Variants in ARHGAP40 observed in about 807,000 individuals in gnomAD.
The protein encoded by ARHGAP40 is rho GTPase-activating protein 40.
ARHGAP40 carries 43 observed loss-of-function variants against 73.5 expected under a neutral mutation model. The ratio of observed to expected loss-of-function variants is 0.58; its 90% confidence interval spans 0.46 to 0.75. The LOEUF (loss-of-function observed/expected upper bound fraction) is 0.75. Among genes scored for constraint, ARHGAP40 ranks in the 30% least tolerant of loss-of-function variants. ARHGAP40 has a pLI of 0.00. For missense variants in ARHGAP40, 734 were observed against 861.8 expected, an observed-to-expected ratio of 0.85 and a Z score of 1.86; for synonymous variants, 300 against 352.8, an observed-to-expected ratio of 0.85 and a Z score of 1.68.
chr20:38,615,476 TG>T, intron 1 of ARHGAP40: 1 of 683,110 alleles, frequency 1.5e-6, no homozygotes, highest in Non-Finnish European at 2.7e-6. Flanking sequence ...GCCACGTCCA[TG>T]GCGGCGCGAG....
intron 1 of ARHGAP40, among the ~76,000 whole-genome samples, chr20:38,612,926 T>G (rs1601134304): frequency 1.3e-5 from 2 of 152,156 alleles, no homozygotes; most frequent in African/African-American, 4.8e-5. Context: ...CCTACACAAC[T>G]TAAGGACTTT....
At chr20:38,609,581 G>A (rs1312840700) in intron 1 of ARHGAP40, among the ~76,000 whole-genome samples, 3 of 152,230 alleles carry the variant, frequency 2.0e-5, no homozygotes, top group Non-Finnish European at 4.4e-5. Flanking sequence ...ACCATGGAGG[G>A]CGGTAAGTGC....
intron 1 of ARHGAP40, among the ~76,000 whole-genome samples, chr20:38,608,383 T>C (rs2088784738): frequency 6.6e-6 from 1 of 152,224 alleles, no homozygotes; most frequent in South Asian, 2.1e-4. Context: ...TTTTGTTCTC[T>C]AGTTACTACT....
chr20:38,649,016 C>T (rs1051770126), intron 14 of ARHGAP40, among the ~76,000 whole-genome samples: 2 of 152,216 alleles, frequency 1.3e-5, no homozygotes. Flanking sequence ...GACACCCTAG[C>T]TGGGATGGAC....
intron 1 of ARHGAP40, among the ~76,000 whole-genome samples, chr20:38,614,384 T>A (rs775662259): frequency 4.6e-5 from 7 of 152,174 alleles, no homozygotes; most frequent in Non-Finnish European, 7.3e-5. Context: ...GTTGGGTCCA[T>A]TTTTATTGTG....
At chr20:38,603,951 T>C (rs2145590341) in intron 1 of ARHGAP40, among the ~76,000 whole-genome samples, 1 of 152,230 alleles carries the variant, frequency 6.6e-6, no homozygotes, top group East Asian at 1.9e-4. Flanking sequence ...GTGATGACAT[T>C]GGGCCCACTG....
chr20:38,649,788 C>A, exon 15 of ARHGAP40: 1 of 1,305,262 alleles, frequency 7.7e-7, no homozygotes, highest in Middle Eastern at 2.1e-4. Context: ...ATGCCTACCT[C>A]TTAGATCTGT....
chr20:38,615,060 C>T lies in ARHGAP40; in HGVS notation c.138-8299C>T, dbSNP rs2088826946. On this transcript the variant is annotated intron_variant, in intron 1 of 14. Coordinates refer to ENST00000373345, the Ensembl canonical transcript of ARHGAP40. Reference sequence around the variant, plus strand: ...CGGCTTGGCATGTGCCTCCTGTTGCCTCACAAAGCTGTCAGCAGACACTCG... The same window carrying T: ...CGGCTTGGCATGTGCCTCCTGTTGCTTCACAAAGCTGTCAGCAGACACTCG... 3.2e-6 allele frequency: 3 copies of T among 938,900 alleles called. No homozygotes were observed. In the African/African-American group the frequency reaches 4.8e-5, roughly 15 times the overall value. The allele number at this position is 938,900 out of a possible 1,614,324, so 58.2% of individuals were successfully genotyped here.
At chr20:38,630,763 C>G (rs2088933277) in intron 5 of ARHGAP40, among the ~76,000 whole-genome samples, 1 of 152,174 alleles carries the variant, frequency 6.6e-6, no homozygotes, top group Admixed American at 6.5e-5. Flanking sequence ...CCTACCCCAC[C>G]ACCCCCTCAG....
intron 1 of ARHGAP40, among the ~76,000 whole-genome samples, chr20:38,620,706 T>C (rs1379693337): frequency 3.9e-5 from 6 of 152,208 alleles, no homozygotes; most frequent in Non-Finnish European, 8.8e-5. Context: ...TGGTCTCCAG[T>C]GAAGCTTCTG....
intron 1 of ARHGAP40, among the ~76,000 whole-genome samples, chr20:38,610,578 C>T (rs987249649): frequency 6.6e-6 from 1 of 152,182 alleles, no homozygotes; most frequent in Non-Finnish European, 1.5e-5. Flanking sequence ...TAACTCAAAG[C>T]ATAGAAGCTG....
At chr20:38,605,532 T>C (rs2088766425) in intron 1 of ARHGAP40, among the ~76,000 whole-genome samples, 1 of 152,226 alleles carries the variant, frequency 6.6e-6, no homozygotes, top group African/African-American at 2.4e-5. Context: ...AAGACCCAGT[T>C]GGAGTGAGGT....
intron 6 of ARHGAP40, among the ~76,000 whole-genome samples, chr20:38,636,207 T>G (rs190045198): frequency 6.6e-6 from 1 of 152,192 alleles, no homozygotes; most frequent in East Asian, 1.9e-4. Context: ...TTTAGAACAA[T>G]AGTGACATTT....
At chr20:38,615,102 G>C (rs970222453) in intron 1 of ARHGAP40, 1 of 942,884 alleles carries the variant, frequency 1.1e-6, no homozygotes, top group Non-Finnish European at 1.8e-6. Flanking sequence ...GGCTATACGA[G>C]TGTCCCATAT....
rs1026197713 is a variant in ARHGAP40, at chr20:38,629,764, C to A, written c.783+114C>A. 10 of 1,106,478 alleles carry A rather than the reference C, an allele frequency of 9.0e-6. No homozygotes were observed. The African/African-American group carries it at 1.3e-4, about 15-fold the overall frequency. 68.5% of individuals were successfully genotyped at this position (1,106,478 alleles called of 1,614,324 possible). A position where few individuals can be genotyped will look rare whatever the true frequency, so the allele number is the denominator to read the frequency against. ...GCATCCAGCACAAAAGTTGTTAATT[C>A]ATTCATTCATTTAATTCGTACCACA... is the stretch of plus-strand genomic sequence containing the variant. On this transcript the variant is annotated intron_variant, in intron 5 of 14. Coordinates refer to ENST00000373345, the Ensembl canonical transcript of ARHGAP40.
intron 13 of ARHGAP40, among the ~76,000 whole-genome samples, chr20:38,647,557 A>AT (rs139280351): frequency 0.17 from 25,691 of 151,894 alleles, 2,706 homozygotes; most frequent in Non-Finnish European, 0.24. Flanking sequence ...TGCCTGGATA[A>AT]TTTTTTTGTA....
chr20:38,613,859 T>C (rs1316286874), intron 1 of ARHGAP40, among the ~76,000 whole-genome samples: 2 of 152,204 alleles, frequency 1.3e-5, no homozygotes, highest in Non-Finnish European at 2.9e-5. Flanking sequence ...AGAAATGCTG[T>C]GTGAAAGAGA....
chr20:38,638,228 C>T (rs552973801), intron 7 of ARHGAP40, among the ~76,000 whole-genome samples: 5 of 151,666 alleles, frequency 3.3e-5, no homozygotes, highest in East Asian at 1.9e-4. Context: ...GGCAGGAGAA[C>T]GGTGTGAACC....
exon 11 of ARHGAP40, chr20:38,643,870 T>C (rs905599351): frequency 1.5e-6 from 2 of 1,304,984 alleles, no homozygotes; most frequent in Non-Finnish European, 2.0e-6. Context: ...GCAGCCGAGG[T>C]GGTGCAGATA....
Sources: allele counts gnomAD v4.1 joint callset (sites outside exome capture counted in the v4.1 genomes callset), GRCh38; gene constraint gnomAD v4.1.1; transcripts MANE v1.5; gene names NCBI Gene and HGNC (gene_info 2026-07-23, HGNC 2026-07-21).